KLHL24: variants seen among roughly 807,000 people sequenced by gnomAD.
KLHL24 encodes the protein kelch-like protein 24.
A neutral mutation model predicts 53.4 loss-of-function variants in KLHL24; 29 were observed. That is an observed-to-expected ratio of 0.54 (90% CI 0.40 to 0.74). The LOEUF (loss-of-function observed/expected upper bound fraction) is 0.74, where lower values mean the gene tolerates loss of function less well. KLHL24 is among the 30% of genes least tolerant of loss of function. The probability of loss-of-function intolerance (pLI) is 0.00; values close to 1 mark genes in which losing one functional copy is unlikely to be tolerated. For synonymous variants in KLHL24, 222 were observed against 253.7 expected, an observed-to-expected ratio of 0.88 and a Z score of 1.19; for missense variants, 504 against 744.0, an observed-to-expected ratio of 0.68 and a Z score of 3.75.
chr3:183,667,025 A>G (rs1227594229), intron 5 of KLHL24, among the ~76,000 whole-genome samples: 1 of 152,176 alleles, frequency 6.6e-6, no homozygotes, highest in Non-Finnish European at 1.5e-5. Flanking sequence ...ACCAATAAAA[A>G]AACAAAGCTC....
At chr3:183,664,336 A>C (rs1313925218) in intron 4 of KLHL24, among the ~76,000 whole-genome samples, 1 of 152,230 alleles carries the variant, frequency 6.6e-6, no homozygotes, top group African/African-American at 2.4e-5. Context: ...TTATGAAATA[A>C]GATTTGCTTT....
chr3:183,683,201 G>C lies in KLHL24; in HGVS notation c.*3915G>C, dbSNP rs1290251612. Reference sequence around the variant, plus strand: ...CCCACCTCGGCCTCCCAAAGTGCTGGGATTACAGGCGTGAGCCACCACCCC... The same window carrying C: ...CCCACCTCGGCCTCCCAAAGTGCTGCGATTACAGGCGTGAGCCACCACCCC... On this transcript the variant is annotated 3_prime_UTR_variant, in exon 8 of 8. Coordinates refer to ENST00000242810, the MANE Select transcript of KLHL24 (RefSeq NM_017644.3). The C allele has an allele frequency of 6.6e-6, 1 of 152,540 alleles. No individual in the cohort carries two copies. Among genetic ancestry groups the C allele is most frequent in the Non-Finnish European group, 1.5e-5 (1 of 68,264 alleles). The allele number at this position is 152,540 out of a possible 1,614,324, so 9.4% of individuals were successfully genotyped here. A position where few individuals can be genotyped will look rare whatever the true frequency, so the allele number is the denominator to read the frequency against.
At chr3:183,669,158 A>G (rs1162396363) in intron 5 of KLHL24, among the ~76,000 whole-genome samples, 1 of 152,142 alleles carries the variant, frequency 6.6e-6, no homozygotes, top group Non-Finnish European at 1.5e-5. Context: ...AAATTATGCC[A>G]TGTGATAGAT....
chr3:183,660,307 T>A (rs1719550307), intron 3 of KLHL24, among the ~76,000 whole-genome samples: 1 of 152,034 alleles, frequency 6.6e-6, no homozygotes, highest in South Asian at 2.1e-4. Context: ...ATTTTTGTAT[T>A]TTTTATAGAG....
chr3:183,649,996 A>G (rs1717902871), intron 2 of KLHL24, among the ~76,000 whole-genome samples: 1 of 152,214 alleles, frequency 6.6e-6, no homozygotes, highest in South Asian at 2.1e-4. Context: ...AGTCAATAGT[A>G]TGAAACTCAG....
In KLHL24 at chr3:183,650,400, G is replaced by A; in HGVS notation, c.44G>A (p.Gly15Glu). 1.2e-6 allele frequency: 2 copies of A among 1,614,072 alleles called. No homozygotes were observed. The highest frequency in any genetic ancestry group is 1.7e-6 in the Non-Finnish European group (2 of 1,179,998). Residue 15 changes from glycine to glutamate, a missense_variant, in exon 3 of 8, where the codon GGG becomes GAG. Transcript: ENST00000242810. The surrounding 1 kb of genome is among the most constrained non-coding windows in gnomAD (Gnocchi z 4.5). ...LGRRLNREDL[G>E]VRDSPATKRK... ...CGCAGACTAAACAGAGAGGATCTTG[G>A]GGTGCGTGATTCCCCAGCAACTAAG...
At chr3:183,678,037 C>T (rs985949594) in intron 7 of KLHL24, among the ~76,000 whole-genome samples, 1 of 152,208 alleles carries the variant, frequency 6.6e-6, no homozygotes, top group Non-Finnish European at 1.5e-5. Flanking sequence ...AAGTGATCCA[C>T]CTGCCTCGGC....
intron 2 of KLHL24, among the ~76,000 whole-genome samples, chr3:183,649,563 A>G (rs2108793148): frequency 6.6e-6 from 1 of 152,108 alleles, no homozygotes; most frequent in South Asian, 2.1e-4. Flanking sequence ...CAATGTACAT[A>G]TTTTTAAAGG....
intron 3 of KLHL24, among the ~76,000 whole-genome samples, chr3:183,657,155 C>A (rs553258878): frequency 4.7e-4 from 71 of 152,204 alleles, no homozygotes; most frequent in Admixed American, 3.1e-3. Flanking sequence ...GAGTCATTTC[C>A]CCTGATAGAT....
chr3:183,664,651 T>C (rs984893331), intron 4 of KLHL24, among the ~76,000 whole-genome samples: 3 of 152,222 alleles, frequency 2.0e-5, no homozygotes, highest in African/African-American at 7.2e-5. Context: ...TAACAATCTT[T>C]TATGTTTGTA....
At chr3:183,647,107 G>A (rs73056294) in intron 2 of KLHL24, among the ~76,000 whole-genome samples, 46,566 of 148,756 alleles carry the variant, frequency 0.31, 7,800 homozygotes, top group East Asian at 0.47. Context: ...CACCGCGCCC[G>A]GCCTTGTTGC....
intron 3 of KLHL24, among the ~76,000 whole-genome samples, chr3:183,658,672 A>G (rs535310685): frequency 2.0e-5 from 3 of 152,350 alleles, no homozygotes; most frequent in South Asian, 2.1e-4. Context: ...TTATACTTCA[A>G]CAAAAATATG....
intron 1 of KLHL24, among the ~76,000 whole-genome samples, chr3:183,637,279 G>C (rs137861386): frequency 3.1e-3 from 465 of 152,262 alleles, no homozygotes; most frequent in African/African-American, 0.011. Flanking sequence ...AAATCTGCTT[G>C]TTGTTGGCTG....
intron 3 of KLHL24, among the ~76,000 whole-genome samples, chr3:183,655,462 C>T (rs1009597367): frequency 1.3e-5 from 2 of 151,684 alleles, no homozygotes. Flanking sequence ...CCTGTTCCTA[C>T]AGAAAAAAAA....
Position 183,651,268 on chromosome 3 carries a change from G to A in KLHL24, c.912G>A (p.Arg304=), listed in dbSNP as rs369882210. ...ATGAAATGATGTCCCCAAGGACTAG[G>A]CCACGCAGGTGAGAAGACTGTTTTC... The part of the protein sequence containing the change: ...LGNEMMSPRT[R]PRRSTGYSEV... The change falls in exon 3 of 8, where the codon AGG becomes AGA. Residue 304 remains arginine (R), a synonymous_variant. Transcript: ENST00000242810. The A allele has an allele frequency of 2.8e-5, 45 of 1,611,602 alleles. 1 individual carries two copies. The highest frequency in any genetic ancestry group is 3.3e-4 in the Middle Eastern group (2 of 6,078).
At chr3:183,674,278 T>C (rs1464007115) in intron 7 of KLHL24, among the ~76,000 whole-genome samples, 1 of 151,006 alleles carries the variant, frequency 6.6e-6, no homozygotes. Flanking sequence ...TTTCTTTCTT[T>C]CTTTCTTTCT....
At position 183,663,363 on chromosome 3, in the gene KLHL24, C is replaced by T. The variant is rs1246072306; in HGVS notation, c.921-95C>T. On this transcript the variant is annotated intron_variant, in intron 3 of 7. Coordinates refer to ENST00000242810, the MANE Select transcript of KLHL24 (RefSeq NM_017644.3). The surrounding 1 kb of genome is among the most constrained non-coding windows in gnomAD (Gnocchi z 4.9). Reference sequence around the variant, plus strand: ...AGAAACTTAACTGTTTATAATAGTGCGTGGTTTGTTTTTAGAGTTTTAAGA... The same window carrying T: ...AGAAACTTAACTGTTTATAATAGTGTGTGGTTTGTTTTTAGAGTTTTAAGA... 1.2e-5 allele frequency: 7 copies of T among 565,446 alleles called. No homozygotes were observed. Among genetic ancestry groups the T allele is most frequent in the Admixed American group, 3.9e-5 (1 of 25,870 alleles). 35.0% of individuals were successfully genotyped at this position (565,446 alleles called of 1,614,324 possible).
intron 5 of KLHL24, among the ~76,000 whole-genome samples, chr3:183,669,114 A>T (rs912094738): frequency 2.0e-5 from 3 of 152,208 alleles, no homozygotes; most frequent in Non-Finnish European, 4.4e-5. Flanking sequence ...TTTAATTTAC[A>T]CATGTAGGAA....
chr3:183,679,143 G>GA lies in KLHL24; in HGVS notation c.1664dup (p.Asn555LysfsTer12). Reference sequence around the variant, plus strand: ...AATATATATCCTGGGCGGAAGACGGGAAAATGGAGAAGCCACAGACACTAT... The same window carrying GA: ...AATATATATCCTGGGCGGAAGACGGGAAAAATGGAGAAGCCACAGACACTAT... On this transcript the variant is annotated frameshift_variant, in exon 8 of 8. Coordinates refer to ENST00000242810, the MANE Select transcript of KLHL24 (RefSeq NM_017644.3). LOFTEE classifies it high-confidence loss of function. 6.2e-7 allele frequency: 1 copy of GA among 1,613,924 alleles called. No individual in the cohort carries two copies. The highest frequency in any genetic ancestry group is 8.5e-7 in the Non-Finnish European group (1 of 1,179,914).
Sources: allele counts gnomAD v4.1 joint callset (sites outside exome capture counted in the v4.1 genomes callset), GRCh38; gene constraint gnomAD v4.1.1; non-coding constraint Gnocchi (gnomAD v3.1); transcripts MANE v1.5; gene names NCBI Gene and HGNC (gene_info 2026-07-23, HGNC 2026-07-21).